DLGAP1: variants seen among roughly 807,000 people sequenced by gnomAD.
The protein encoded by DLGAP1 is disks large-associated protein 1.
DLGAP1 carries 11 observed loss-of-function variants against 90.8 expected under a neutral mutation model. That is an observed-to-expected ratio of 0.12 (90% CI 0.08 to 0.20). DLGAP1 has a LOEUF of 0.20. DLGAP1 is among the 10% of genes least tolerant of loss of function. The pLI, the probability that DLGAP1 is intolerant of heterozygous loss-of-function variation, is 1.00. For synonymous variants in DLGAP1, 558 were observed against 540.7 expected (o/e 1.03, Z -0.44); for missense variants, 1,050 against 1,333.8 (o/e 0.79, Z 3.31).
intron 4 of DLGAP1, among the ~76,000 whole-genome samples, chr18:3,869,934 C>A (rs62085208): frequency 0.23 from 35,465 of 152,156 alleles, 4,860 homozygotes; most frequent in South Asian, 0.32. Flanking sequence ...GTCATATCAT[C>A]ATGCCCATTT....
At chr18:3,561,266 C>CA (rs71159092) in intron 9 of DLGAP1, among the ~76,000 whole-genome samples, 3,495 of 110,420 alleles carry the variant, frequency 0.032, 107 homozygotes, top group Non-Finnish European at 0.049. Flanking sequence ...AAAAAAAAAA[C>CA]AAAAAAAAAA....
chr18:4,403,702 AT>A (rs1454300464), intron 1 of DLGAP1, among the ~76,000 whole-genome samples: 1 of 152,170 alleles, frequency 6.6e-6, no homozygotes, highest in East Asian at 1.9e-4. Flanking sequence ...TTAAATAATT[AT>A]TTAAAAGGCT....
intron 4 of DLGAP1, chr18:3,821,848 G>T: frequency 1.1e-6 from 1 of 916,582 alleles, no homozygotes; most frequent in Non-Finnish European, 1.3e-6. Context: ...GTAATGTGTT[G>T]GCCTTCTAAG....
chr18:4,264,441 A>C (rs1177701242), intron 1 of DLGAP1, among the ~76,000 whole-genome samples: 2 of 152,206 alleles, frequency 1.3e-5, no homozygotes, highest in Non-Finnish European at 2.9e-5. Context: ...ATGATCTGTC[A>C]GTAGCTAGAT....
rs367976044 is a variant in DLGAP1 at position 3,617,299 on chromosome 18, TAAA to T, written c.1592-35054_1592-35052del. Among the ~76,000 whole-genome samples the T allele has an allele frequency of 1.6e-4, 24 of 152,106 alleles. No homozygotes were observed. The South Asian group carries it at 4.6e-3, about 29-fold the overall frequency. ...AATCACCTGATCTTTCTATTAAAAA[TAAA>T]CAAAAAATACTGCTGGCTGGGGGCA... is the stretch of plus-strand genomic sequence containing the variant. On this transcript the variant is annotated intron_variant, in intron 7 of 12. Coordinates refer to ENST00000315677, the MANE Select transcript of DLGAP1 (RefSeq NM_004746.4).
chr18:3,953,738 A>G (rs1299952649), intron 3 of DLGAP1, among the ~76,000 whole-genome samples: 1 of 152,138 alleles, frequency 6.6e-6, no homozygotes, highest in East Asian at 1.9e-4. Flanking sequence ...TGGTTGTTCT[A>G]TTTTTAGTTC....
At chr18:4,122,515 C>T (rs564952138) in intron 2 of DLGAP1, among the ~76,000 whole-genome samples, 9 of 152,314 alleles carry the variant, frequency 5.9e-5, no homozygotes, top group African/African-American at 1.9e-4. Flanking sequence ...TAACCTCAAG[C>T]TGGCAAGTCC....
chr18:4,087,737 T>C (rs1233402864), intron 2 of DLGAP1, among the ~76,000 whole-genome samples: 1 of 151,412 alleles, frequency 6.6e-6, no homozygotes, highest in Non-Finnish European at 1.5e-5. Flanking sequence ...ACATGGTGTA[T>C]TTTTTTACAT....
intron 1 of DLGAP1, among the ~76,000 whole-genome samples, chr18:4,173,040 T>A (rs993728302): frequency 6.6e-6 from 1 of 152,218 alleles, no homozygotes; most frequent in Non-Finnish European, 1.5e-5. Flanking sequence ...CACAATTTTT[T>A]AAAAGGATCA....
intron 2 of DLGAP1, among the ~76,000 whole-genome samples, chr18:4,086,115 C>T (rs2075677217): frequency 1.3e-5 from 2 of 152,070 alleles, no homozygotes; most frequent in Admixed American, 6.5e-5. Context: ...ACAATCTGAG[C>T]TGTGATAAAG....
intron 9 of DLGAP1, among the ~76,000 whole-genome samples, chr18:3,552,941 C>T (rs2053557493): frequency 6.8e-6 from 1 of 148,142 alleles, no homozygotes; most frequent in South Asian, 2.2e-4. Context: ...TCCATATCTG[C>T]TTTCTAGCTT....
chr18:3,775,666 A>G lies in DLGAP1; in HGVS notation c.1173-33154T>C, dbSNP rs2064908365. Reference sequence around the variant, plus strand: ...ATTAAATTTGTGTGCCATTTCTTCTATTAATCTGCCTTTTAAAAGTTGATT... The same window carrying G: ...ATTAAATTTGTGTGCCATTTCTTCTGTTAATCTGCCTTTTAAAAGTTGATT... On this transcript the variant is annotated intron_variant, in intron 5 of 12. Transcript: ENST00000315677. This position sits in a 1 kb window ranked among gnomAD's most constrained non-coding sequence, Gnocchi z 4.9. Among the ~76,000 whole-genome samples, 1 of 152,190 alleles carries G rather than the reference A, an allele frequency of 6.6e-6. No homozygotes were observed. Among genetic ancestry groups the G allele is most frequent in the Non-Finnish European group, 1.5e-5 (1 of 68,012 alleles).
At chr18:4,163,347 G>T (rs1028265716) in intron 1 of DLGAP1, among the ~76,000 whole-genome samples, 1 of 152,174 alleles carries the variant, frequency 6.6e-6, no homozygotes, top group Non-Finnish European at 1.5e-5. Flanking sequence ...TATGAGCTTA[G>T]CAATCGTAGT....
At chr18:4,061,848 T>C (rs2075302682) in intron 2 of DLGAP1, among the ~76,000 whole-genome samples, 1 of 139,892 alleles carries the variant, frequency 7.1e-6, no homozygotes, top group South Asian at 2.3e-4. Flanking sequence ...CTTTTTGTCA[T>C]CCACAGACAG....
At chr18:3,983,011 A>T (rs1239741412) in intron 3 of DLGAP1, 1 of 152,204 alleles carries the variant, frequency 6.6e-6, no homozygotes, top group Non-Finnish European at 1.5e-5. Flanking sequence ...TCAGGAACAA[A>T]GGTTCCCAAA....
chr18:3,832,560 T>C (rs2068086713), intron 4 of DLGAP1, among the ~76,000 whole-genome samples: 1 of 152,240 alleles, frequency 6.6e-6, no homozygotes, highest in South Asian at 2.1e-4. Context: ...AGCCTCATTT[T>C]TGATATCTCA....
chr18:3,602,255 C>A (rs1417424336), intron 7 of DLGAP1, among the ~76,000 whole-genome samples: 1 of 152,034 alleles, frequency 6.6e-6, no homozygotes, highest in Non-Finnish European at 1.5e-5. Context: ...ATTTCCCACC[C>A]ACCAGATAAC....
At chr18:3,789,731 C>G (rs184203086) in intron 5 of DLGAP1, among the ~76,000 whole-genome samples, 1 of 152,234 alleles carries the variant, frequency 6.6e-6, no homozygotes, top group African/African-American at 2.4e-5. Flanking sequence ...GATGAGCTTG[C>G]AGAAATATCC....
chr18:4,000,505 T>A (rs553532333), intron 3 of DLGAP1, among the ~76,000 whole-genome samples: 1 of 152,330 alleles, frequency 6.6e-6, no homozygotes, highest in South Asian at 2.1e-4. Flanking sequence ...TACAAAAAAA[T>A]GTCTACTTAA....
Sources: gnomAD v4.1 joint callset for allele counts (sites outside exome capture counted in the v4.1 genomes callset) on GRCh38, gnomAD v4.1.1 for gene constraint, Gnocchi (gnomAD v3.1) non-coding constraint, MANE v1.5 for transcripts, NCBI Gene and HGNC (gene_info 2026-07-23, HGNC 2026-07-21) for gene names.